ATXN7L1: variants seen among roughly 807,000 people sequenced by gnomAD.
The protein encoded by ATXN7L1 is ataxin 7 like 1, also known as ataxin-7-like protein 1.
ATXN7L1 carries 15 observed loss-of-function variants against 70.8 expected under a neutral mutation model. The ratio of observed to expected loss-of-function variants is 0.21; its 90% CI spans 0.14 to 0.33. The LOEUF (loss-of-function observed/expected upper bound fraction) is 0.33, where lower values mean the gene tolerates loss of function less well. Ranked by LOEUF, ATXN7L1 falls within the 10% of genes least tolerant of loss-of-function variation. The probability of loss-of-function intolerance (pLI) is 1.00; values close to 1 mark genes in which losing one functional copy is unlikely to be tolerated. For synonymous variants in ATXN7L1, 440 were observed against 445.1 expected, an observed-to-expected ratio of 0.99 and a Z score of 0.14; for missense variants, 975 against 1,097.1, an observed-to-expected ratio of 0.89 and a Z score of 1.57.
intron 3 of ATXN7L1, among the ~76,000 whole-genome samples, chr7:105,674,824 G>A (rs1804366567): frequency 6.6e-6 from 1 of 152,120 alleles, no homozygotes; most frequent in Admixed American, 6.5e-5. Flanking sequence ...CCACTATTGG[G>A]CAGGATCTGG....
At chr7:105,789,963 T>C (rs1157837261) in intron 2 of ATXN7L1, among the ~76,000 whole-genome samples, 10 of 152,090 alleles carry the variant, frequency 6.6e-5, no homozygotes, top group Non-Finnish European at 1.2e-4. Flanking sequence ...CAGAACATTA[T>C]CCATCCACTG....
chr7:105,805,382 A>C (rs1807419154), intron 2 of ATXN7L1, among the ~76,000 whole-genome samples: 1 of 152,218 alleles, frequency 6.6e-6, no homozygotes, highest in Non-Finnish European at 1.5e-5. Flanking sequence ...GGGGGCTGGC[A>C]GCTAGTGGCA....
intron 3 of ATXN7L1, among the ~76,000 whole-genome samples, chr7:105,771,156 C>T (rs570332112): frequency 1.2e-4 from 18 of 151,152 alleles, no homozygotes; most frequent in African/African-American, 3.2e-4. Flanking sequence ...GCCGAGATCG[C>T]GCCACTGCAC....
At chr7:105,636,142 G>A (rs376103657) in intron 7 of ATXN7L1, among the ~76,000 whole-genome samples, 7 of 152,088 alleles carry the variant, frequency 4.6e-5, no homozygotes, top group African/African-American at 1.7e-4. Context: ...TGCCTGTAAT[G>A]TCAGCACTTT....
chr7:105,703,795 A>G (rs908584313), intron 3 of ATXN7L1, among the ~76,000 whole-genome samples: 10 of 152,148 alleles, frequency 6.6e-5, no homozygotes, highest in Non-Finnish European at 1.5e-4. Context: ...TCTCTAGAGG[A>G]TTCTTGTAGT....
In ATXN7L1 at chr7:105,653,567, C is replaced by A. The variant is rs542019601; in HGVS notation, c.579-10446G>T. Among the ~76,000 whole-genome samples the A allele has an allele frequency of 2.6e-5, 4 of 152,330 alleles. No individual in the cohort carries two copies. The South Asian group carries it at 8.3e-4, about 32-fold the overall frequency. ...AAGTCAGTCTGACCAAAGTCCACCTCTTAAACAGCTGTTAAAAGGTCCAGG... is the reference window on the plus strand; with the variant it reads ...AAGTCAGTCTGACCAAAGTCCACCTATTAAACAGCTGTTAAAAGGTCCAGG... On this transcript the variant is annotated intron_variant, in intron 4 of 11. Transcript: ENST00000419735.
intron 2 of ATXN7L1, among the ~76,000 whole-genome samples, chr7:105,790,388 G>C (rs1804961019): frequency 6.6e-6 from 1 of 152,066 alleles, no homozygotes; most frequent in South Asian, 2.1e-4. Flanking sequence ...GACCAGCCTG[G>C]AAAACGAAGT....
At chr7:105,723,837 C>A (rs1415908758) in intron 3 of ATXN7L1, among the ~76,000 whole-genome samples, 1 of 152,204 alleles carries the variant, frequency 6.6e-6, no homozygotes, top group Admixed American at 6.5e-5. Flanking sequence ...TCAGGGCTAG[C>A]AGGCTTCAAG....
intron 3 of ATXN7L1, among the ~76,000 whole-genome samples, chr7:105,680,149 G>T (rs2116153556): frequency 6.6e-6 from 1 of 151,800 alleles, no homozygotes; most frequent in Admixed American, 6.6e-5. Context: ...TTTTCCTGGA[G>T]AATTTTGGAC....
chr7:105,773,723 A>G (rs1190268915), intron 3 of ATXN7L1, among the ~76,000 whole-genome samples: 2 of 152,162 alleles, frequency 1.3e-5, no homozygotes, highest in Non-Finnish European at 2.9e-5. Flanking sequence ...AGTCCAATGC[A>G]ACTCCAGTGC....
Position 105,876,465 on chromosome 7 carries a change from G to A in ATXN7L1, c.94C>T (p.Leu32=). The change falls in exon 1 of 12, where the codon CTG becomes TTG. Residue 32 remains leucine (L), a synonymous_variant. Transcript: ENST00000419735. The stretch of plus-strand genomic sequence containing the variant: ...TCCGGACTGGGCACTTTGCGATCCA[G>A]TGTCGCCATTGCTCTTCCTTCTTGT... The part of the protein sequence containing the change: ...KQQEGRAMAT[L]DRKVPSPEAF... 6.2e-7 allele frequency: 1 copy of A among 1,614,020 alleles called. No homozygotes were observed. Among genetic ancestry groups the A allele is most frequent in the Non-Finnish European group, 8.5e-7 (1 of 1,179,962 alleles).
chr7:105,610,037 T>C (rs1353585632), intron 11 of ATXN7L1, among the ~76,000 whole-genome samples: 1 of 151,994 alleles, frequency 6.6e-6, no homozygotes, highest in African/African-American at 2.4e-5. Context: ...TCCCAAAGTG[T>C]TGGGACTACA....
chr7:105,611,687 A>AT (rs760766070), intron 10 of ATXN7L1, among the ~76,000 whole-genome samples: 6 of 152,294 alleles, frequency 3.9e-5, no homozygotes, highest in African/African-American at 1.4e-4. Context: ...CACAGTCTTG[A>AT]TTTTTTATTC....
At chr7:105,844,808 GACCTTATATACAGAA>G (rs1813732607) in intron 2 of ATXN7L1, among the ~76,000 whole-genome samples, 1 of 152,184 alleles carries the variant, frequency 6.6e-6, no homozygotes, top group African/African-American at 2.4e-5. Flanking sequence ...CAGATGACAT[GACCTTATATACAGAA>G]AGCCCTAAGG....
At chr7:105,843,286 C>T (rs1306417901) in intron 2 of ATXN7L1, among the ~76,000 whole-genome samples, 1 of 152,230 alleles carries the variant, frequency 6.6e-6, no homozygotes, top group Admixed American at 6.5e-5. Flanking sequence ...TAGGTCCTAT[C>T]TGTCTTTAGA....
At position 105,670,065 on chromosome 7, in the gene ATXN7L1, A is replaced by C. The variant is rs564171069; in HGVS notation, c.356-4777T>G. On this transcript the variant is annotated intron_variant, in intron 3 of 11. Transcript: ENST00000419735. ...GGGCAGAGTGAGTGGATTTTACAAA[A>C]AGACCTATTCAATCTTTGTTTCTCT... Among the ~76,000 whole-genome samples the C allele has an allele frequency of 2.6e-5, 4 of 152,326 alleles. No homozygotes were observed. The East Asian group carries it at 7.7e-4, about 29-fold the overall frequency.
At chr7:105,727,765 T>TATATATATATATATATATATA (rs1285150352) in intron 3 of ATXN7L1, among the ~76,000 whole-genome samples, 1 of 92,656 alleles carries the variant, frequency 1.1e-5, no homozygotes, top group African/African-American at 4.3e-5. Context: ...TATATATATA[T>TATATATATATATATATATATA]ATATATATAT....
intron 3 of ATXN7L1, among the ~76,000 whole-genome samples, chr7:105,674,359 A>G (rs583381): frequency 0.24 from 36,605 of 152,154 alleles, 4,721 homozygotes; most frequent in East Asian, 0.35. Flanking sequence ...TACCTACTAT[A>G]TATCAGGCAC....
intron 2 of ATXN7L1, among the ~76,000 whole-genome samples, chr7:105,791,533 C>T (rs1054450157): frequency 3.3e-5 from 5 of 152,190 alleles, no homozygotes; most frequent in Non-Finnish European, 4.4e-5. Context: ...ACACAGCTCT[C>T]GATTTGCTTT....
Sources: gnomAD v4.1 joint callset for allele counts (sites outside exome capture counted in the v4.1 genomes callset) on GRCh38, gnomAD v4.1.1 for gene constraint, MANE v1.5 for transcripts, NCBI Gene and HGNC (gene_info 2026-07-23, HGNC 2026-07-21) for gene names.